Variants in DOCK9 observed in about 807,000 individuals in gnomAD.
DOCK9 encodes dedicator of cytokinesis protein 9.
DOCK9 carries 89 observed loss-of-function variants against 263.3 expected under a neutral mutation model. The ratio of observed to expected loss-of-function variants is 0.34; its 90% CI spans 0.28 to 0.40. DOCK9 has a LOEUF of 0.40. Among genes scored for constraint, DOCK9 ranks in the 10% least tolerant of loss-of-function variants. The pLI, the probability that DOCK9 is intolerant of heterozygous loss-of-function variation, is 1.00. For missense variants in DOCK9, 2,140 were observed against 2,603.4 expected (o/e 0.82, Z 3.87); for synonymous variants, 976 against 973.1 (o/e 1.00, Z -0.06).
chr13:99,045,685 T>C (rs1595976273), intron 1 of DOCK9, among the ~76,000 whole-genome samples: 2 of 152,226 alleles, frequency 1.3e-5, no homozygotes, highest in East Asian at 3.9e-4. Context: ...ATTCCAATTT[T>C]AAAACATCAT....
At chr13:99,027,066 C>T (rs1321694806) in intron 1 of DOCK9, among the ~76,000 whole-genome samples, 3 of 152,076 alleles carry the variant, frequency 2.0e-5, no homozygotes, top group South Asian at 4.1e-4. Flanking sequence ...GTCGCCCAGG[C>T]TGGAGTGTAG....
intron 1 of DOCK9, among the ~76,000 whole-genome samples, chr13:99,047,150 A>G (rs576784083): frequency 6.6e-6 from 1 of 152,342 alleles, no homozygotes; most frequent in South Asian, 2.1e-4. Context: ...TCCTCATGGT[A>G]AAGTTTCCCA....
Position 98,800,472 on chromosome 13 carries a change from T to C in DOCK9, c.5732A>G (p.His1911Arg), listed in dbSNP as rs778742604. ...GCGCTTCTTCACATAAGGGAAGCAGTGTATGGCTGCAGAGGGTAAGCCCCA... is the reference window on the plus strand; with the variant it reads ...GCGCTTCTTCACATAAGGGAAGCAGCGTATGGCTGCAGAGGGTAAGCCCCA... ...CKRRTILTAI[H>R]CFPYVKKRIP... The change falls in exon 50 of 53, where the codon CAC becomes CGC. Residue 1911 changes from histidine to arginine, a missense_variant. Coordinates refer to ENST00000682017, the MANE Select transcript of DOCK9 (RefSeq NM_001366683.2). The C allele has an allele frequency of 9.9e-6, 16 of 1,613,680 alleles. No homozygotes were observed. The Admixed American group carries it at 1.7e-4, about 17-fold the overall frequency.
At chr13:98,855,587 A>G (rs2093687979) in intron 34 of DOCK9, among the ~76,000 whole-genome samples, 1 of 152,004 alleles carries the variant, frequency 6.6e-6, no homozygotes, top group African/African-American at 2.4e-5. Flanking sequence ...ATAAATAAAT[A>G]AATAAAAAGA....
At chr13:98,794,800 C>T (rs1275961754) in intron 52 of DOCK9, 52 bp from the exon 53 acceptor site, 1 of 1,597,938 alleles carries the variant, frequency 6.3e-7, no homozygotes. Flanking sequence ...TTACCATATG[C>T]AATGCCATGT....
chr13:98,903,759 G>A (rs2048687165), intron 10 of DOCK9, among the ~76,000 whole-genome samples: 1 of 151,984 alleles, frequency 6.6e-6, no homozygotes, highest in Admixed American at 6.6e-5. Context: ...GATTTACAAG[G>A]ATATATAAAA....
chr13:99,060,248 T>C (rs1262463239), intron 1 of DOCK9, among the ~76,000 whole-genome samples: 1 of 151,778 alleles, frequency 6.6e-6, no homozygotes, highest in Non-Finnish European at 1.5e-5. Context: ...TAAATTTTTT[T>C]GTATTTTTTT....
chr13:98,851,496 C>T (rs1023642193), intron 35 of DOCK9, among the ~76,000 whole-genome samples: 9 of 152,310 alleles, frequency 5.9e-5, no homozygotes, highest in Admixed American at 2.0e-4. Context: ...ACACACCAGA[C>T]GAAGCGGCCA....
At chr13:99,003,492 C>T (rs1455619867) in intron 1 of DOCK9, among the ~76,000 whole-genome samples, 2 of 152,178 alleles carry the variant, frequency 1.3e-5, no homozygotes, top group African/African-American at 2.4e-5. Flanking sequence ...TCCTACTAGT[C>T]GCATCCCACT....
chr13:99,079,994 T>G (rs1346744680), intron 1 of DOCK9, among the ~76,000 whole-genome samples: 1 of 152,140 alleles, frequency 6.6e-6, no homozygotes, highest in African/African-American at 2.4e-5. Flanking sequence ...GAGCCAAGAT[T>G]GCACCACTGC....
chr13:99,008,230 A>G (rs1245020238), intron 1 of DOCK9, among the ~76,000 whole-genome samples: 5 of 114,404 alleles, frequency 4.4e-5, no homozygotes, highest in Non-Finnish European at 8.9e-5. Flanking sequence ...ATATATATAT[A>G]TATATTTTTT....
intron 1 of DOCK9, among the ~76,000 whole-genome samples, chr13:99,028,949 C>A (rs930538263): frequency 6.6e-6 from 1 of 152,202 alleles, no homozygotes; most frequent in African/African-American, 2.4e-5. Context: ...CAGCTCCAAC[C>A]ATACCCTTCC....
At chr13:99,082,243 C>T (rs1001791164) in intron 1 of DOCK9, among the ~76,000 whole-genome samples, 1 of 148,912 alleles carries the variant, frequency 6.7e-6, no homozygotes, top group African/African-American at 2.5e-5. Context: ...TAAGGCCGGG[C>T]GCAGTGGCTC....
chr13:98,925,431 A>C (rs1214881178), intron 4 of DOCK9, among the ~76,000 whole-genome samples: 1 of 152,172 alleles, frequency 6.6e-6, no homozygotes, highest in Non-Finnish European at 1.5e-5. Context: ...TACTTTTTTT[A>C]AAAACATAAA....
intron 18 of DOCK9, among the ~76,000 whole-genome samples, chr13:98,887,615 CAAAAAAAAAAAAAAA>C (rs58976892): frequency 2.7e-5 from 1 of 37,218 alleles, no homozygotes; most frequent in African/African-American, 1.4e-4. Flanking sequence ...GACTCCATCT[CAAAAAAAAAAAAAAA>C]AAAAAAAAAA....
chr13:98,956,101 C>G (rs1393068024), intron 1 of DOCK9, among the ~76,000 whole-genome samples: 1 of 152,216 alleles, frequency 6.6e-6, no homozygotes, highest in East Asian at 1.9e-4. Flanking sequence ...TGAGCTGAGC[C>G]CAAACCAGCC....
At chr13:99,018,652 A>G (rs1885716219) in intron 1 of DOCK9, among the ~76,000 whole-genome samples, 1 of 152,268 alleles carries the variant, frequency 6.6e-6, no homozygotes, top group Non-Finnish European at 1.5e-5. Context: ...GAAGCAAGAC[A>G]AAATGAGTAA....
intron 2 of DOCK9, among the ~76,000 whole-genome samples, chr13:98,939,271 T>C (rs2055417414): frequency 6.6e-6 from 1 of 152,052 alleles, no homozygotes; most frequent in Admixed American, 6.6e-5. Context: ...TCTAAGATGG[T>C]CTGCTCTCTG....
intron 1 of DOCK9, among the ~76,000 whole-genome samples, chr13:98,962,650 A>AG (rs2058770100): frequency 5.3e-5 from 8 of 151,998 alleles, no homozygotes; most frequent in South Asian, 2.1e-4. Context: ...AAAAAAAAAA[A>AG]AGAAAAAAAA....
Sources: gnomAD v4.1 joint callset for allele counts (sites outside exome capture counted in the v4.1 genomes callset) on GRCh38, gnomAD v4.1.1 for gene constraint, MANE v1.5 for transcripts, NCBI Gene and HGNC (gene_info 2026-07-23, HGNC 2026-07-21) for gene names.